Variants in CYP4X1 observed in about 807,000 individuals in gnomAD.
CYP4X1 encodes the protein cytochrome P450 family 4 subfamily X member 1.
In CYP4X1, 44 loss-of-function variants were observed where a neutral mutation model predicts 57.9. The observed-to-expected ratio is 0.76, with a 90% CI of 0.60 to 0.98. CYP4X1 has a LOEUF of 0.98. Ranked by LOEUF, CYP4X1 falls within the 50% of genes least tolerant of loss-of-function variation. The pLI is 0.00. For missense variants in CYP4X1, 532 were observed against 623.9 expected (o/e 0.85, Z 1.57); for synonymous variants, 227 against 228.6 (o/e 0.99, Z 0.06).
chr1:46,990,356 T>C, the CYP4X1 span, among the ~76,000 whole-genome samples: 1 of 152,118 alleles, frequency 6.6e-6, no homozygotes, highest in Non-Finnish European at 1.5e-5. Context: ...TGAGATACCA[T>C]CTCAAGCCAG....
At chr1:47,039,767 T>TG in intron 8 of CYP4X1, 1 of 328,130 alleles carries the variant, frequency 3.0e-6, no homozygotes, top group Non-Finnish European at 5.5e-6. Context: ...TTCTAATCAA[T>TG]GGTGTGTGAA....
chr1:47,016,231 A>T, the CYP4X1 span, among the ~76,000 whole-genome samples: 47 of 148,220 alleles, frequency 3.2e-4, no homozygotes, highest in Non-Finnish European at 4.8e-4. Context: ...TCAAGAAATT[A>T]AAAAAAAAAA....
the CYP4X1 span, chr1:46,994,433 G>T: frequency 6.5e-6 from 1 of 153,440 alleles, no homozygotes; most frequent in Non-Finnish European, 1.5e-5. Context: ...AGGCTCAGCA[G>T]TGAGGCTCCT....
In CYP4X1 at chr1:47,050,087, C is replaced by CA. The variant is rs763082978; in HGVS notation, c.1444dup (p.Thr482AsnfsTer27). ...TCCACTTCAGAGTGACTCCAGACCC[C>CA]ACCAGGCCTCTTACTTTCCCCAACC... On this transcript the variant is annotated frameshift_variant, in exon 12 of 12. Transcript: ENST00000371901. LOFTEE classifies it low-confidence loss of function (END_TRUNC). 1 of 1,614,040 alleles carries CA rather than the reference C, an allele frequency of 6.2e-7. No homozygotes were observed. The highest frequency in any genetic ancestry group is 1.3e-5 in the African/African-American group (1 of 75,004).
At chr1:46,992,981 T>A in the CYP4X1 span, among the ~76,000 whole-genome samples, 12 of 152,182 alleles carry the variant, frequency 7.9e-5, no homozygotes, top group African/African-American at 2.2e-4. Flanking sequence ...GTGCACAACG[T>A]GCAGGTTAGT....
chr1:47,033,328 C>T lies in CYP4X1; in HGVS notation c.452C>T (p.Ala151Val). ...TPGFHFNILK[A>V]YIEVMAHSVK... The stretch of plus-strand genomic sequence containing the variant: ...GGATTCCATTTTAACATCCTGAAAG[C>T]ATACATTGAGGTGATGGCTCATTCT... Residue 151 changes from alanine to valine, a missense_variant, in exon 4 of 12, where the codon GCA becomes GTA. Physicochemically the swap from Ala to Val is moderately conservative, Grantham distance 64 (BLOSUM62 0). Coordinates refer to ENST00000371901, the MANE Select transcript of CYP4X1 (RefSeq NM_178033.2). 6.2e-7 allele frequency: 1 copy of T among 1,613,806 alleles called. No individual in the cohort carries two copies. Among genetic ancestry groups the T allele is most frequent in the Non-Finnish European group, 8.5e-7 (1 of 1,179,836 alleles).
At chr1:46,983,252 G>C in the CYP4X1 span, among the ~76,000 whole-genome samples, 1 of 152,170 alleles carries the variant, frequency 6.6e-6, no homozygotes, top group Non-Finnish European at 1.5e-5. Context: ...GAGACATAGA[G>C]CCGGTGCCTA....
the CYP4X1 span, among the ~76,000 whole-genome samples, chr1:47,010,644 T>C: frequency 6.6e-6 from 1 of 152,198 alleles, no homozygotes; most frequent in African/African-American, 2.4e-5. Context: ...GATGACATGA[T>C]TGTATATCTA....
chr1:47,029,068 C>T (rs1644099723), intron 1 of CYP4X1, among the ~76,000 whole-genome samples: 1 of 152,118 alleles, frequency 6.6e-6, no homozygotes, highest in East Asian at 1.9e-4. Context: ...CAGAGTTGTC[C>T]ACCTCTCCAG....
the CYP4X1 span, among the ~76,000 whole-genome samples, chr1:46,992,149 A>T: frequency 5.9e-5 from 9 of 152,296 alleles, no homozygotes; most frequent in South Asian, 1.9e-3. Flanking sequence ...TCTACTAAAA[A>T]TTTTTTAAAA....
the CYP4X1 span, among the ~76,000 whole-genome samples, chr1:46,993,088 C>G: frequency 8.3e-6 from 1 of 121,036 alleles, no homozygotes; most frequent in Non-Finnish European, 1.7e-5. Context: ...CCCCCTCCCC[C>G]CACCCCACAA....
upstream of CYP4X1, among the ~76,000 whole-genome samples, chr1:47,020,035 C>T (rs557033522): frequency 6.6e-6 from 1 of 152,286 alleles, no homozygotes; most frequent in South Asian, 2.1e-4. Flanking sequence ...GCCTGAATTT[C>T]TTAACTGGGC....
At chr1:47,030,528 G>A (rs745451034) in intron 2 of CYP4X1, among the ~76,000 whole-genome samples, 5 of 152,120 alleles carry the variant, frequency 3.3e-5, no homozygotes, top group Non-Finnish European at 7.3e-5. Flanking sequence ...CAGTATGAAA[G>A]CCTGAATGCT....
intron 8 of CYP4X1, among the ~76,000 whole-genome samples, chr1:47,043,828 C>T (rs1644273108): frequency 6.6e-6 from 1 of 152,058 alleles, no homozygotes; most frequent in Non-Finnish European, 1.5e-5. Context: ...TGGATTGACC[C>T]CTTTCTCATT....
In CYP4X1 at chr1:47,023,745, A is replaced by C; in HGVS notation, c.-73A>C. 6.5e-7 allele frequency: 1 copy of C among 1,541,282 alleles called. No homozygotes were observed. The highest frequency in any genetic ancestry group is 8.7e-7 in the Non-Finnish European group (1 of 1,145,476). Reference sequence around the variant, plus strand: ...GCGGTGGGGTGGGCGACCCTACGCCAGCTCCGGGCGGGAGAAAGCCCACCC... The same window carrying C: ...GCGGTGGGGTGGGCGACCCTACGCCCGCTCCGGGCGGGAGAAAGCCCACCC... On this transcript the variant is annotated 5_prime_UTR_variant, in exon 1 of 12. Transcript: ENST00000371901.
At chr1:46,992,477 C>G in the CYP4X1 span, among the ~76,000 whole-genome samples, 1 of 152,164 alleles carries the variant, frequency 6.6e-6, no homozygotes, top group South Asian at 2.1e-4. Context: ...TTGCCTATTC[C>G]TCTACCTATA....
intron 8 of CYP4X1, among the ~76,000 whole-genome samples, chr1:47,043,900 A>G (rs571876435): frequency 4.8e-4 from 73 of 152,242 alleles, no homozygotes; most frequent in African/African-American, 1.8e-3. Flanking sequence ...TGTCTGATAA[A>G]AGTTCAGCTA....
the CYP4X1 span, among the ~76,000 whole-genome samples, chr1:46,967,480 C>G: frequency 1.3e-5 from 2 of 151,822 alleles, no homozygotes; most frequent in Admixed American, 6.6e-5. Flanking sequence ...TGCAGGTAGG[C>G]AGGAGAGAGG....
At chr1:46,971,388 G>A in the CYP4X1 span, among the ~76,000 whole-genome samples, 287 of 152,258 alleles carry the variant, frequency 1.9e-3, no homozygotes, top group African/African-American at 6.3e-3. Flanking sequence ...GAACATATGC[G>A]TGCATGTGTC....
Sources: gnomAD v4.1 joint callset for allele counts (sites outside exome capture counted in the v4.1 genomes callset) on GRCh38, gnomAD v4.1.1 for gene constraint, MANE v1.5 for transcripts, NCBI Gene and HGNC (gene_info 2026-07-23, HGNC 2026-07-21) for gene names.